The following TRIO variants were observed in gnomAD, a reference collection of about 807,000 sequenced individuals.
TRIO encodes the protein triple functional domain protein.
Under a neutral mutation model 351.9 loss-of-function variants are expected in TRIO, and 58 were observed. That is an observed-to-expected ratio of 0.16 (90% CI 0.13 to 0.21). The LOEUF (loss-of-function observed/expected upper bound fraction) is 0.21, where lower values mean the gene tolerates loss of function less well. TRIO is among the 10% of genes least tolerant of loss of function. The pLI is 1.00. For missense variants in TRIO, 3,201 were observed against 4,027.8 expected (o/e 0.79, Z 5.56); for synonymous variants, 1,758 against 1,595.7 (o/e 1.10, Z -2.42).
At chr5:14,246,781 G>A (rs574440500) in intron 1 of TRIO, among the ~76,000 whole-genome samples, 10 of 152,328 alleles carry the variant, frequency 6.6e-5, no homozygotes, top group African/African-American at 2.2e-4. Context: ...CTGCCATTCT[G>A]TTGTGCTCTG....
chr5:14,183,091 G>C (rs1289064723), intron 1 of TRIO, among the ~76,000 whole-genome samples: 4 of 152,128 alleles, frequency 2.6e-5, no homozygotes, highest in Non-Finnish European at 5.9e-5. Context: ...TGGGGAGGTG[G>C]GGTCTTCGTT....
intron 1 of TRIO, among the ~76,000 whole-genome samples, chr5:14,251,584 C>T (rs925207721): frequency 3.3e-5 from 5 of 152,240 alleles, no homozygotes; most frequent in African/African-American, 1.2e-4. Context: ...GCTGGGCAGC[C>T]TCTTTGAAAA....
chr5:14,171,316 A>T (rs918374645), intron 1 of TRIO, among the ~76,000 whole-genome samples: 5 of 152,368 alleles, frequency 3.3e-5, no homozygotes, highest in African/African-American at 1.2e-4. Context: ...CCTGTTGACT[A>T]AGTCGGCCTT....
chr5:14,473,034 G>C (rs964772020), intron 39 of TRIO, among the ~76,000 whole-genome samples: 8 of 152,188 alleles, frequency 5.3e-5, no homozygotes, highest in Non-Finnish European at 1.2e-4. Context: ...GAAAAAGTCA[G>C]TGTGGCCCAG....
intron 45 of TRIO, 152 bp downstream of exon 45, chr5:14,481,770 CCT>C (rs1755539406): frequency 6.3e-5 from 23 of 363,740 alleles, no homozygotes; most frequent in South Asian, 2.7e-4. Context: ...TATTTTATTT[CCT>C]TTTTTTTTTT....
chr5:14,403,249 A>AGGTTGTGGTGAGGGTG (rs1748288450), intron 31 of TRIO, among the ~76,000 whole-genome samples: 10 of 18,538 alleles, frequency 5.4e-4, no homozygotes, highest in African/African-American at 1.5e-3. Context: ...TGGTGAGGGT[A>AGGTTGTGGTGAGGGTG]CAGGTGGTGG....
At chr5:14,471,236 C>A in intron 37 of TRIO, 82 bp from the exon 38 acceptor site, 1 of 1,408,060 alleles carries the variant, frequency 7.1e-7, no homozygotes. Context: ...TATTTTCTGA[C>A]TTTGGGTATT....
At chr5:14,376,401 C>T (rs1018135117) in intron 19 of TRIO, among the ~76,000 whole-genome samples, 2 of 152,194 alleles carry the variant, frequency 1.3e-5, no homozygotes, top group African/African-American at 4.8e-5. Context: ...CTGGTAACCA[C>T]TGTCAAGGCT....
intron 9 of TRIO, among the ~76,000 whole-genome samples, chr5:14,322,716 T>A (rs1201915675): frequency 6.6e-6 from 1 of 152,212 alleles, no homozygotes; most frequent in East Asian, 1.9e-4. Context: ...GTTTTCTGAT[T>A]CCAGTCATCA....
chr5:14,183,324 T>A (rs1789906554), intron 1 of TRIO, among the ~76,000 whole-genome samples: 1 of 152,166 alleles, frequency 6.6e-6, no homozygotes, highest in Non-Finnish European at 1.5e-5. Context: ...AAGATTGTGA[T>A]GTAAGCAGGG....
At position 14,419,795 on chromosome 5, in the gene TRIO, G is replaced by C; in HGVS notation, c.4977G>C (p.Glu1659Asp). 6.2e-7 allele frequency: 1 copy of C among 1,614,202 alleles called. No individual in the cohort carries two copies. Among genetic ancestry groups the C allele is most frequent in the Non-Finnish European group, 8.5e-7 (1 of 1,180,038 alleles). The change falls in exon 34 of 57, where the codon GAG becomes GAC. Residue 1659 changes from glutamate (E) to aspartate (D), a missense_variant. Coordinates refer to ENST00000344204, the MANE Select transcript of TRIO (RefSeq NM_007118.4). ...LDSDKLSGGC[E>D]LTVVIHDFTA... ...CCCCCCAGCTCTCTGGTGGCTGTGA[G>C]CTGACAGTGGTGATCCATGACTTCA...
At chr5:14,334,461 A>G (rs1459115133) in intron 10 of TRIO, among the ~76,000 whole-genome samples, 1 of 152,208 alleles carries the variant, frequency 6.6e-6, no homozygotes, top group Non-Finnish European at 1.5e-5. Flanking sequence ...TTTAAAAAAT[A>G]TCTTTACTTG....
chr5:14,343,883 A>G (rs542293466), intron 11 of TRIO, among the ~76,000 whole-genome samples: 2 of 152,374 alleles, frequency 1.3e-5, no homozygotes, highest in African/African-American at 4.8e-5. Context: ...CATTACCACC[A>G]GAAATGTATG....
intron 18 of TRIO, 130 bp downstream of exon 18, chr5:14,369,653 G>C: frequency 8.4e-7 from 1 of 1,183,900 alleles, no homozygotes; most frequent in Admixed American, 3.0e-5. Flanking sequence ...TAACGGGGCA[G>C]TGTCGCATCA....
At chr5:14,504,663 T>A in intron 55 of TRIO, 70 bp downstream of exon 55, 1 of 1,544,146 alleles carries the variant, frequency 6.5e-7, no homozygotes, top group East Asian at 2.3e-5. Context: ...GTTGTTCCTG[T>A]TTGTTCTCTA....
intron 53 of TRIO, among the ~76,000 whole-genome samples, chr5:14,500,287 C>T (rs1757192590): frequency 1.3e-5 from 2 of 152,192 alleles, no homozygotes; most frequent in South Asian, 2.1e-4. Flanking sequence ...CTACCCTTGG[C>T]TCCACTCCTG....
rs1456582788 is a variant in TRIO at position 14,390,234 on chromosome 5, A to G, written c.4062A>G (p.Ile1354Met). The change falls in exon 26 of 57, where the codon ATA (isoleucine) becomes ATG (methionine). Residue 1354 changes from isoleucine to methionine, a missense_variant. Ile to Met is a conservative substitution (Grantham distance 10). Around this residue, in one of 19 missense-constraint regions of TRIO, gnomAD observed 115 missense variants for 239.6 expected, o/e 0.48. Coordinates refer to ENST00000344204, the MANE Select transcript of TRIO (RefSeq NM_007118.4). ...MQEIYEFHNN[I>M]FLKELEKYEQ... ...ATACCATTTTTATTCTTTGCAGCAT[A>G]TTCCTAAAGGAGCTGGAAAAATATG... 1.2e-6 allele frequency: 2 copies of G among 1,613,614 alleles called. No homozygotes were observed. Among genetic ancestry groups the G allele is most frequent in the African/African-American group, 1.3e-5 (1 of 75,020 alleles).
chr5:14,495,972 A>T (rs932218987), intron 49 of TRIO, among the ~76,000 whole-genome samples: 2 of 152,108 alleles, frequency 1.3e-5, no homozygotes, highest in African/African-American at 4.8e-5. Context: ...CGTCTCAGAG[A>T]AAGAAATTGC....
chr5:14,424,726 T>G (rs1561475747), intron 34 of TRIO, among the ~76,000 whole-genome samples: 1 of 152,218 alleles, frequency 6.6e-6, no homozygotes. Flanking sequence ...AGTGTAGTGA[T>G]ACATGATTGC....
Sources: allele counts gnomAD v4.1 joint callset (sites outside exome capture counted in the v4.1 genomes callset), GRCh38; gene constraint gnomAD v4.1.1; regional missense constraint gnomAD v4.1.1; transcripts MANE v1.5; gene names NCBI Gene and HGNC (gene_info 2026-07-23, HGNC 2026-07-21).